The following PRDM11 variants were observed in gnomAD, a reference collection of about 807,000 sequenced individuals.
PRDM11 encodes the protein PR/SET domain 11, also known as PR domain-containing protein 11.
PRDM11 carries 20 observed loss-of-function variants against 97.8 expected under a neutral mutation model. The observed-to-expected ratio is 0.20, with a 90% CI of 0.14 to 0.30. The LOEUF (loss-of-function observed/expected upper bound fraction) is 0.30, where lower values mean the gene tolerates loss of function less well. Among genes scored for constraint, PRDM11 ranks in the 10% least tolerant of loss-of-function variants. PRDM11 has a pLI of 1.00. For synonymous variants in PRDM11, 599 were observed against 637.7 expected (o/e 0.94, Z 0.91); for missense variants, 1,139 against 1,555.2 (o/e 0.73, Z 4.50).
intron 1 of PRDM11, chr11:45,147,350 G>T (rs1169194215): frequency 6.6e-6 from 1 of 152,000 alleles, no homozygotes; most frequent in Non-Finnish European, 1.5e-5. Flanking sequence ...CCTAGTTCTC[G>T]CGGACGCCCT....
chr11:45,227,551 G>A lies in PRDM11; in HGVS notation c.2926G>A (p.Asp976Asn), dbSNP rs1219642094. ...CCAGGTCATCCTGGCTCAGAGGTTC[G>A]ACTCCCGCAGCCGGATCTTTGTGAA... ...KTQVILAQRF[D>N]SRSRIFVKAC... is the part of the protein sequence containing the mutation. The change falls in exon 8 of 8, where the codon GAC becomes AAC. Residue 976 changes from aspartate to asparagine, a missense_variant. Asp to Asn is a conservative substitution (Grantham distance 23, BLOSUM62 1). Around this residue, in one of 2 missense-constraint regions of PRDM11, gnomAD observed 710 missense variants for 1,044.9 expected, o/e 0.68. Transcript: ENST00000683152. The surrounding 1 kb of genome is among the most constrained non-coding windows in gnomAD (Gnocchi z 8.0). The A allele has an allele frequency of 2.6e-6, 4 of 1,533,768 alleles. No homozygotes were observed. The highest frequency in any genetic ancestry group is 2.0e-5 in the Admixed American group (1 of 50,970).
intron 1 of PRDM11, among the ~76,000 whole-genome samples, chr11:45,138,111 A>G (rs1433681354): frequency 6.6e-6 from 1 of 152,228 alleles, no homozygotes. Flanking sequence ...CTTGCTCTCA[A>G]AAATGAAAAC....
At chr11:45,201,617 C>T (rs1358122857) in intron 4 of PRDM11, among the ~76,000 whole-genome samples, 2 of 152,128 alleles carry the variant, frequency 1.3e-5, no homozygotes, top group African/African-American at 4.8e-5. Context: ...CCTCAGCCTC[C>T]TGAGTATCTG....
At position 45,227,763 on chromosome 11, in the gene PRDM11, T is replaced by G. The variant is rs746555; in HGVS notation, c.3138T>G (p.Ala1046=). 6.5e-7 allele frequency: 1 copy of G among 1,533,700 alleles called. No homozygotes were observed. The highest frequency in any genetic ancestry group is 2.4e-5 in the East Asian group (1 of 40,920). The change falls in exon 8 of 8, where the codon GCT becomes GCG. Residue 1046 remains alanine (A), a synonymous_variant. Coordinates refer to ENST00000683152, the MANE Select transcript of PRDM11 (RefSeq NM_001384648.1). The surrounding 1 kb of genome is among the most constrained non-coding windows in gnomAD (Gnocchi z 8.0). The part of the protein sequence containing the change: ...SLLMEWRELK[A]DYYTKNGFKD... ...TGATGGAGTGGCGAGAACTCAAGGC[T>G]GATTACTACACCAAAAATGGCTTCA...
At chr11:45,206,640 C>T (rs1169528626) in intron 5 of PRDM11, among the ~76,000 whole-genome samples, 1 of 152,236 alleles carries the variant, frequency 6.6e-6, no homozygotes, top group African/African-American at 2.4e-5. Context: ...AAAAGGGGAG[C>T]TATCATCCAA....
chr11:45,162,380 CAAA>C lies in PRDM11; in HGVS notation c.-7+15504_-7+15506del, dbSNP rs1212551069. Reference sequence around the variant, plus strand: ...GGAGAAAGTAAGGCTCAGAGAGGCCCAAAGGGCCTCTCTGAGCTAGTGGATGCA... The same window carrying C: ...GGAGAAAGTAAGGCTCAGAGAGGCCCGGGCCTCTCTGAGCTAGTGGATGCA... On this transcript the variant is annotated intron_variant, in intron 1 of 7. Coordinates refer to ENST00000683152, the MANE Select transcript of PRDM11 (RefSeq NM_001384648.1). Among the ~76,000 whole-genome samples the C allele has an allele frequency of 4.5e-4, 68 of 152,126 alleles. 1 individual carries two copies. In the South Asian group the frequency reaches 0.014, roughly 31 times the overall value.
At chr11:45,146,490 G>C (rs1380857742), upstream of PRDM11, among the ~76,000 whole-genome samples, 1 of 152,062 alleles carries the variant, frequency 6.6e-6, no homozygotes, top group Non-Finnish European at 1.5e-5. Flanking sequence ...TGGAGAGCCG[G>C]GTTCCCCCCT....
At chr11:45,141,220 A>T (rs1327512641) in intron 1 of PRDM11, among the ~76,000 whole-genome samples, 2 of 152,200 alleles carry the variant, frequency 1.3e-5, no homozygotes, top group African/African-American at 4.8e-5. Flanking sequence ...TAATGTTGCA[A>T]GCAACAGAAA....
rs374330461 is a variant in PRDM11 at position 45,132,602 on chromosome 11, T to C, written c.96+36701T>C. Among the ~76,000 whole-genome samples, 8 of 152,358 alleles carry C rather than the reference T, an allele frequency of 5.3e-5. No homozygotes were observed. The South Asian group carries it at 8.3e-4, about 16-fold the overall frequency. ...TTCCTGAAAGGTAGAGTAATGCTTA[T>C]GAAGCCACAGTCATTTCCTTTCTAC... On this transcript the variant is annotated intron_variant, in intron 1 of 6. Transcript: ENST00000530656.
chr11:45,123,597 A>G (rs1204110887), intron 1 of PRDM11, among the ~76,000 whole-genome samples: 7 of 152,168 alleles, frequency 4.6e-5, no homozygotes, highest in Non-Finnish European at 8.8e-5. Context: ...TTTATTAAAT[A>G]GGGAATCCTT....
intron 5 of PRDM11, among the ~76,000 whole-genome samples, chr11:45,210,578 T>C (rs1175405355): frequency 2.0e-5 from 3 of 152,228 alleles, no homozygotes; most frequent in African/African-American, 7.2e-5. Flanking sequence ...GCTCAGCCCA[T>C]GGGAAGGTGC....
rs1360400288 is a variant in PRDM11, at chr11:45,226,870, C to T, written c.2245C>T (p.Arg749Cys). 3 of 1,533,950 alleles carry T rather than the reference C, an allele frequency of 2.0e-6. No individual in the cohort carries two copies. Among genetic ancestry groups the T allele is most frequent in the South Asian group, 1.2e-5 (1 of 83,970 alleles). The change falls in exon 8 of 8, where the codon CGC becomes TGC. Residue 749 changes from arginine (R) to cysteine (C), a missense_variant. Around this residue, in one of 2 missense-constraint regions of PRDM11, gnomAD observed 710 missense variants for 1,044.9 expected, o/e 0.68. Transcript: ENST00000683152. ...SLRASMFMTI[R>C]KTLPWLLCLP... The stretch of plus-strand genomic sequence containing the variant: ...CCGTGCCAGCATGTTCATGACCATC[C>T]GCAAGACGCTGCCCTGGCTGCTGTG...
At chr11:45,162,156 C>G (rs997999701) in intron 1 of PRDM11, among the ~76,000 whole-genome samples, 2 of 152,184 alleles carry the variant, frequency 1.3e-5, no homozygotes, top group African/African-American at 4.8e-5. Context: ...CAGCACCAGC[C>G]CTGGACCCTC....
At chr11:45,097,933 T>C (rs1851911649) in intron 1 of PRDM11, among the ~76,000 whole-genome samples, 1 of 152,248 alleles carries the variant, frequency 6.6e-6, no homozygotes, top group African/African-American at 2.4e-5. Flanking sequence ...GTCACGTCAT[T>C]GGCAAAGGTG....
Position 45,182,841 on chromosome 11 carries a change from T to C in PRDM11, c.224-20T>C, listed in dbSNP as rs1565298333. 1 of 1,554,096 alleles carries C rather than the reference T, an allele frequency of 6.4e-7. No homozygotes were observed. The highest frequency in any genetic ancestry group is 1.9e-5 in the Admixed American group (1 of 53,314). On this transcript the variant is annotated intron_variant, in intron 3 of 7. Coordinates refer to ENST00000683152, the MANE Select transcript of PRDM11 (RefSeq NM_001384648.1). ...TCCCTGCAACAACTGAGGCCCTCCC[T>C]TCTCTTTCCATCCCTCCAGTCTGTG...
upstream of PRDM11, among the ~76,000 whole-genome samples, chr11:45,094,796 GGGAGAGAAGGAAGGGAGGAA>G (rs1443619174): frequency 9.4e-5 from 13 of 138,030 alleles, no homozygotes; most frequent in East Asian, 8.9e-4. Flanking sequence ...GGAGGGAGGA[GGGAGAGAAGGAAGGGAGGAA>G]GGAGAGAAGG....
chr11:45,125,586 T>G (rs1450794944), intron 1 of PRDM11, among the ~76,000 whole-genome samples: 3 of 152,222 alleles, frequency 2.0e-5, no homozygotes, highest in Admixed American at 2.0e-4. Flanking sequence ...TCTGCCTTCA[T>G]TTTGTTATGT....
At chr11:45,127,999 C>A (rs1565243333) in intron 1 of PRDM11, among the ~76,000 whole-genome samples, 1 of 152,256 alleles carries the variant, frequency 6.6e-6, no homozygotes, top group African/African-American at 2.4e-5. Context: ...GGGCTCCACC[C>A]ACTTCGAGCT....
intron 1 of PRDM11, among the ~76,000 whole-genome samples, chr11:45,118,712 G>A (rs1852355315): frequency 1.3e-5 from 2 of 152,196 alleles, no homozygotes; most frequent in African/African-American, 4.8e-5. Context: ...GAAATCTATG[G>A]AGATATAATA....
Sources: gnomAD v4.1 joint callset for allele counts (sites outside exome capture counted in the v4.1 genomes callset) on GRCh38, gnomAD v4.1.1 for gene constraint, gnomAD v4.1.1 regional missense constraint, Gnocchi (gnomAD v3.1) non-coding constraint, MANE v1.5 for transcripts, NCBI Gene and HGNC (gene_info 2026-07-23, HGNC 2026-07-21) for gene names.